Variants in TCF20 observed in about 807,000 individuals in gnomAD.
TCF20 encodes the protein SPRE-binding protein.
TCF20 carries 3 observed loss-of-function variants against 148.6 expected under a neutral mutation model. The ratio of observed to expected loss-of-function variants is 0.02; its 90% confidence interval spans 0.01 to 0.05. The LOEUF (loss-of-function observed/expected upper bound fraction) is 0.05. TCF20 is among the 10% of genes least tolerant of loss of function. The pLI is 1.00. For missense variants in TCF20, 2,350 were observed against 2,429.3 expected (o/e 0.97, Z 0.69); for synonymous variants, 1,049 against 909.5 (o/e 1.15, Z -2.76).
chr22:42,235,393 T>C (rs965200432), intron 1 of TCF20, among the ~76,000 whole-genome samples: 12 of 152,234 alleles, frequency 7.9e-5, no homozygotes, highest in East Asian at 3.9e-4. Context: ...CAAGGGAACA[T>C]TGGGTATCAA....
chr22:42,283,173 C>T (rs1462996907), intron 1 of TCF20, among the ~76,000 whole-genome samples: 1 of 152,238 alleles, frequency 6.6e-6, no homozygotes, highest in East Asian at 1.9e-4. Flanking sequence ...GCGTTTCTCT[C>T]GGCCCTCGCT....
intron 1 of TCF20, among the ~76,000 whole-genome samples, chr22:42,264,788 T>C (rs971263181): frequency 1.3e-5 from 2 of 152,212 alleles, no homozygotes; most frequent in African/African-American, 4.8e-5. Context: ...CAGAGTAGGC[T>C]CTTTCTTGCC....
intron 2 of TCF20, among the ~76,000 whole-genome samples, chr22:42,189,485 T>C (rs565011340): frequency 6.6e-6 from 1 of 152,358 alleles, no homozygotes; most frequent in Non-Finnish European, 1.5e-5. Flanking sequence ...CCAAATGACA[T>C]TTTATGGGTA....
intron 2 of TCF20, among the ~76,000 whole-genome samples, chr22:42,198,533 AT>A (rs1375491965): frequency 6.6e-6 from 1 of 152,204 alleles, no homozygotes; most frequent in African/African-American, 2.4e-5. Context: ...ACTTTAAGCC[AT>A]CTCTAGATTA....
At chr22:42,190,423 G>A (rs1289480062) in intron 2 of TCF20, among the ~76,000 whole-genome samples, 1 of 151,986 alleles carries the variant, frequency 6.6e-6, no homozygotes, top group Non-Finnish European at 1.5e-5. Flanking sequence ...TCACACCACT[G>A]CATTCCAGCC....
In TCF20 at chr22:42,279,823, G is replaced by C. The variant is rs1287246637; in HGVS notation, c.-37+4004C>G. Among the ~76,000 whole-genome samples, 2 of 152,212 alleles carry C rather than the reference G, an allele frequency of 1.3e-5. No homozygotes were observed. Among genetic ancestry groups the C allele is most frequent in the East Asian group, 3.9e-4 (2 of 5,192 alleles). On this transcript the variant is annotated intron_variant, in intron 1 of 5. Transcript: ENST00000359486. This position sits in a 1 kb window ranked among gnomAD's most constrained non-coding sequence, Gnocchi z 4.3. ...GAGGAGGGAGAGTGAATGAGCCACTGGGGGCCTCCGTGGCAATCGGGCTCA... is the reference window on the plus strand; with the variant it reads ...GAGGAGGGAGAGTGAATGAGCCACTCGGGGCCTCCGTGGCAATCGGGCTCA...
intron 1 of TCF20, among the ~76,000 whole-genome samples, chr22:42,242,444 C>CA (rs1924524250): frequency 6.6e-6 from 1 of 151,878 alleles, no homozygotes; most frequent in Non-Finnish European, 1.5e-5. Context: ...TGAACCTGTT[C>CA]TGTAAGTATA....
rs1211362227 is a variant in TCF20, at chr22:42,255,524, CAACAAA to C, written c.-37+14809_-37+14814del. ...ACAACAACAACAACAACAACAACAA[CAACAAA>C]ACCACATTATTTATTGTTATAAATG... is the stretch of plus-strand genomic sequence containing the variant. On this transcript the variant is annotated intron_variant, in intron 1 of 5. Transcript: ENST00000677622. Among the ~76,000 whole-genome samples the C allele has an allele frequency of 5.2e-3, 775 of 148,818 alleles. 2 individuals are homozygous for C. The highest frequency in any genetic ancestry group is 0.011 in the African/African-American group (430 of 39,044).
At chr22:42,256,345 G>A (rs1601670109) in intron 1 of TCF20, among the ~76,000 whole-genome samples, 1 of 152,196 alleles carries the variant, frequency 6.6e-6, no homozygotes, top group Admixed American at 6.5e-5. Flanking sequence ...AAACTTGGCT[G>A]AACAGAAATT....
rs770125297 is a variant in TCF20, at chr22:42,213,760, C to A, written c.1546G>T (p.Ala516Ser). Residue 516 changes from alanine (A) to serine (S), a missense_variant, in exon 2 of 6, where the codon GCA becomes TCA. This residue lies in a region of TCF20 where 1,641 missense variants were observed against 1,662.6 expected (regional missense o/e 0.99). Coordinates refer to ENST00000677622, the MANE Select transcript of TCF20 (RefSeq NM_001378418.1). ...QPEEQLKSPMAESLDGGCSSS... is the reference protein window; with the variant it reads ...QPEEQLKSPMSESLDGGCSSS... ...GAGCAGCCTCCATCTAATGACTCTG[C>A]CATAGGGGACTTCAGCTGTTCTTCA... 6.2e-7 allele frequency: 1 copy of A among 1,614,128 alleles called. No individual in the cohort carries two copies. The highest frequency in any genetic ancestry group is 1.1e-5 in the South Asian group (1 of 91,072).
chr22:42,239,174 A>T (rs182047624), intron 1 of TCF20, among the ~76,000 whole-genome samples: 1 of 151,018 alleles, frequency 6.6e-6, no homozygotes, highest in Non-Finnish European at 1.5e-5. Context: ...TTCATGACAG[A>T]TAACAATTTT....
chr22:42,261,475 C>T (rs922669194), intron 1 of TCF20, among the ~76,000 whole-genome samples: 15 of 151,414 alleles, frequency 9.9e-5, no homozygotes, highest in African/African-American at 2.2e-4. Context: ...CTGACTCCTA[C>T]GTGTTTTGCT....
chr22:42,285,271 G>A (rs568716759), upstream of TCF20, among the ~76,000 whole-genome samples: 3 of 152,034 alleles, frequency 2.0e-5, no homozygotes, highest in South Asian at 2.1e-4. This position sits in a 1 kb window ranked among gnomAD's most constrained non-coding sequence, Gnocchi z 4.2. Context: ...CCTACTAAGC[G>A]CCAGGTCCTG....
intron 2 of TCF20, among the ~76,000 whole-genome samples, chr22:42,201,520 C>T (rs1173812996): frequency 2.0e-5 from 3 of 152,196 alleles, no homozygotes; most frequent in African/African-American, 4.8e-5. Flanking sequence ...GTAATCCCAA[C>T]ACTTCGGGAG....
intron 1 of TCF20, among the ~76,000 whole-genome samples, chr22:42,294,579 G>A (rs1927196761): frequency 6.6e-6 from 1 of 152,166 alleles, no homozygotes; most frequent in South Asian, 2.1e-4. Context: ...TGTCCAGGGT[G>A]CTGGGCCCAG....
intron 1 of TCF20, among the ~76,000 whole-genome samples, chr22:42,248,284 G>A (rs1178104848): frequency 6.6e-6 from 1 of 152,190 alleles, no homozygotes; most frequent in Non-Finnish European, 1.5e-5. Context: ...ACACTAAAAG[G>A]GAGAAACAGG....
intron 2 of TCF20, among the ~76,000 whole-genome samples, chr22:42,189,173 C>G (rs1182969303): frequency 6.6e-6 from 1 of 152,096 alleles, no homozygotes; most frequent in African/African-American, 2.4e-5. Flanking sequence ...AGTTTGGGTA[C>G]TGGTGGTGGA....
chr22:42,253,022 A>G (rs927059223), intron 1 of TCF20, among the ~76,000 whole-genome samples: 1 of 152,140 alleles, frequency 6.6e-6, no homozygotes, highest in African/African-American at 2.4e-5. Flanking sequence ...AAGAGAAGCA[A>G]AATACTGGTT....
At chr22:42,248,605 C>G (rs1165801730) in intron 1 of TCF20, among the ~76,000 whole-genome samples, 1 of 152,110 alleles carries the variant, frequency 6.6e-6, no homozygotes, top group Non-Finnish European at 1.5e-5. Context: ...GCAATCAGTA[C>G]CAATCATAAT....
Sources: gnomAD v4.1 joint callset for allele counts (sites outside exome capture counted in the v4.1 genomes callset) on GRCh38, gnomAD v4.1.1 for gene constraint, gnomAD v4.1.1 regional missense constraint, Gnocchi (gnomAD v3.1) non-coding constraint, MANE v1.5 for transcripts, NCBI Gene and HGNC (gene_info 2026-07-23, HGNC 2026-07-21) for gene names.